The following BNC2 variants were observed in gnomAD, a reference collection of about 807,000 sequenced individuals.
BNC2 encodes the protein basonuclin zinc finger protein 2, also known as zinc finger protein basonuclin-2.
Under a neutral mutation model 76.3 loss-of-function variants are expected in BNC2, and 20 were observed. The ratio of observed to expected loss-of-function variants is 0.26; its 90% CI spans 0.18 to 0.38. BNC2 has a LOEUF of 0.38. BNC2 is among the 10% of genes least tolerant of loss of function. The pLI is 1.00. For synonymous variants in BNC2, 582 were observed against 514.8 expected (o/e 1.13, Z -1.77); for missense variants, 1,382 against 1,399.8 (o/e 0.99, Z 0.20).
At chr9:16,759,944 G>C (rs58641200) in intron 1 of BNC2, among the ~76,000 whole-genome samples, 9,046 of 152,122 alleles carry the variant, frequency 0.059, 888 homozygotes, top group African/African-American at 0.21. Context: ...AGGACGGTCT[G>C]GATTTCCTGA....
intron 5 of BNC2, among the ~76,000 whole-genome samples, chr9:16,506,578 T>A (rs1331062299): frequency 3.7e-5 from 5 of 135,952 alleles, no homozygotes; most frequent in African/African-American, 1.4e-4. Flanking sequence ...AGGCTTGGAA[T>A]GCAATGGTGC....
chr9:16,653,518 C>A (rs1007003893), intron 3 of BNC2, among the ~76,000 whole-genome samples: 2 of 152,166 alleles, frequency 1.3e-5, no homozygotes, highest in African/African-American at 4.8e-5. Context: ...CACACGCTCC[C>A]TCCAAGAATC....
At chr9:16,866,676 A>C (rs1472459535) in intron 1 of BNC2, among the ~76,000 whole-genome samples, 2 of 151,610 alleles carry the variant, frequency 1.3e-5, no homozygotes, top group African/African-American at 2.4e-5. Context: ...AAAAAAAAAA[A>C]AAAAAAAAAC....
intron 3 of BNC2, among the ~76,000 whole-genome samples, chr9:16,725,215 T>TCACACACA (rs1184662562): frequency 5.7e-4 from 34 of 59,498 alleles, no homozygotes; most frequent in Middle Eastern, 7.8e-3. Context: ...AGTCTCTCTC[T>TCACACACA]CTCACACACA....
intron 3 of BNC2, among the ~76,000 whole-genome samples, chr9:16,683,496 C>A (rs191746006): frequency 6.6e-6 from 1 of 152,208 alleles, no homozygotes; most frequent in Admixed American, 6.5e-5. Flanking sequence ...TGGGGCAAAG[C>A]CTATGATACA....
intron 5 of BNC2, among the ~76,000 whole-genome samples, chr9:16,458,174 A>C (rs1276161321): frequency 1.3e-5 from 2 of 152,038 alleles, no homozygotes; most frequent in Non-Finnish European, 2.9e-5. Context: ...TAAACTGTGC[A>C]ATAACAGATA....
intron 1 of BNC2, among the ~76,000 whole-genome samples, chr9:16,847,745 T>C (rs1819024495): frequency 6.6e-6 from 1 of 152,226 alleles, no homozygotes; most frequent in South Asian, 2.1e-4. Flanking sequence ...CCAGTTAGGA[T>C]CATTTATTCC....
At chr9:16,443,946 C>T (rs774299591) in intron 5 of BNC2, among the ~76,000 whole-genome samples, 2 of 152,076 alleles carry the variant, frequency 1.3e-5, no homozygotes, top group Non-Finnish European at 1.5e-5. Flanking sequence ...TTAAAATTGG[C>T]GGATTTTATT....
At chr9:16,636,038 A>G (rs1028547892) in intron 3 of BNC2, among the ~76,000 whole-genome samples, 3 of 152,220 alleles carry the variant, frequency 2.0e-5, no homozygotes, top group African/African-American at 7.2e-5. Flanking sequence ...AGATTGAAAA[A>G]GACTCAAAAT....
At chr9:16,670,138 G>C (rs1008188455) in intron 3 of BNC2, among the ~76,000 whole-genome samples, 13 of 151,984 alleles carry the variant, frequency 8.6e-5, no homozygotes, top group Admixed American at 6.6e-4. Context: ...AATCTTCACT[G>C]ATCTATCATA....
chr9:16,431,493 A>G (rs1448721999), intron 6 of BNC2: 2 of 469,854 alleles, frequency 4.3e-6, no homozygotes, highest in Non-Finnish European at 8.8e-6. Context: ...TCTTCCTAGG[A>G]AAGATTTCAT....
chr9:16,424,157 T>C (rs548067812), intron 6 of BNC2, among the ~76,000 whole-genome samples: 115 of 152,112 alleles, frequency 7.6e-4, no homozygotes, highest in South Asian at 7.1e-3. Flanking sequence ...CACATTAAGT[T>C]AGATTTAATG....
intron 5 of BNC2, among the ~76,000 whole-genome samples, chr9:16,530,679 C>T (rs1817948529): frequency 6.6e-6 from 1 of 152,202 alleles, no homozygotes; most frequent in Admixed American, 6.5e-5. Flanking sequence ...GAAATGCCTA[C>T]TGTGTGAAAG....
chr9:16,494,954 G>A (rs893281061), intron 5 of BNC2, among the ~76,000 whole-genome samples: 6 of 152,112 alleles, frequency 3.9e-5, no homozygotes, highest in African/African-American at 2.4e-5. Context: ...CATTGTGCAC[G>A]TGTACCCTAG....
At chr9:16,492,136 T>C (rs938362070) in intron 5 of BNC2, among the ~76,000 whole-genome samples, 1 of 151,662 alleles carries the variant, frequency 6.6e-6, no homozygotes, top group African/African-American at 2.4e-5. Flanking sequence ...TGTTTTTTTC[T>C]TTTTTTTCCC....
chr9:16,579,939 C>T, intron 4 of BNC2: 1 of 395,836 alleles, frequency 2.5e-6, no homozygotes, highest in Non-Finnish European at 4.4e-6. Context: ...AGGTAGAATG[C>T]ATTCAGTGCT....
rs1820418493 is a variant in BNC2 at position 16,409,589 on chromosome 9, A to G, written c.*9400T>C. ...GGTATTTGGACAAAATATGAATAAAATTCCATTTACATCCCCAAACCCTTA... is the reference window on the plus strand; with the variant it reads ...GGTATTTGGACAAAATATGAATAAAGTTCCATTTACATCCCCAAACCCTTA... On this transcript the variant is annotated 3_prime_UTR_variant, in exon 7 of 7. Transcript: ENST00000380672. 6.5e-6 allele frequency: 1 copy of G among 152,674 alleles called. No individual in the cohort carries two copies. Among genetic ancestry groups the G allele is most frequent in the African/African-American group, 2.4e-5 (1 of 41,466 alleles). 9.5% of individuals were successfully genotyped at this position (152,674 alleles called of 1,614,324 possible).
rs186232650 is a variant in BNC2, at chr9:16,752,488, G to C, written c.4-14003C>G. Among the ~76,000 whole-genome samples, 16 of 152,306 alleles carry C rather than the reference G, an allele frequency of 1.1e-4. No homozygotes were observed. The East Asian group carries it at 2.7e-3, about 26-fold the overall frequency. On this transcript the variant is annotated intron_variant, in intron 1 of 6. Coordinates refer to ENST00000380672, the MANE Select transcript of BNC2 (RefSeq NM_017637.6). ...CATGCTGTTGTACACAAAATAACCA[G>C]CTGACTGAAGCTGTGAATTAGTAGT...
chr9:16,599,900 C>T (rs1384712897), intron 3 of BNC2, among the ~76,000 whole-genome samples: 1 of 152,180 alleles, frequency 6.6e-6, no homozygotes, highest in Non-Finnish European at 1.5e-5. Context: ...TCCATACAAG[C>T]ACCATAGGAC....
Sources: allele counts gnomAD v4.1 joint callset (sites outside exome capture counted in the v4.1 genomes callset), GRCh38; gene constraint gnomAD v4.1.1; transcripts MANE v1.5; gene names NCBI Gene and HGNC (gene_info 2026-07-23, HGNC 2026-07-21).